Variants in CCDC12 observed in about 807,000 individuals in gnomAD.
The protein encoded by CCDC12 is coiled-coil domain-containing protein 12.
Under a neutral mutation model 25.7 loss-of-function variants are expected in CCDC12, and 28 were observed. That is an observed-to-expected ratio of 1.09 (90% CI 0.81 to 1.50). The LOEUF is 1.50. CCDC12 is among the 40% of genes most tolerant of loss of function. The pLI, the probability that CCDC12 is intolerant of heterozygous loss-of-function variation, is 0.00. For synonymous variants in CCDC12, 75 were observed against 87.7 expected (o/e 0.86, Z 0.81); for missense variants, 198 against 210.0 (o/e 0.94, Z 0.35).
At chr3:46,976,595 C>A (rs774376301) in intron 1 of CCDC12, 42 bp downstream of exon 1, 10 of 1,585,310 alleles carry the variant, frequency 6.3e-6, no homozygotes, top group South Asian at 1.1e-5. Flanking sequence ...GGACCCCGAA[C>A]GCTGGACGCC....
intron 1 of CCDC12, among the ~76,000 whole-genome samples, chr3:46,941,709 C>A (rs1167888607): frequency 1.3e-5 from 2 of 152,150 alleles, no homozygotes; most frequent in Non-Finnish European, 2.9e-5. Context: ...AGGGGCCATG[C>A]TGGCAGGCCA....
At chr3:46,942,798 C>T (rs766949196) in intron 1 of CCDC12, among the ~76,000 whole-genome samples, 81 of 152,234 alleles carry the variant, frequency 5.3e-4, no homozygotes, top group Non-Finnish European at 8.5e-4. Flanking sequence ...CAACATGGAA[C>T]GTGGTTCTTG....
At chr3:46,933,365 G>C (rs921350545) in intron 2 of CCDC12, among the ~76,000 whole-genome samples, 2 of 152,172 alleles carry the variant, frequency 1.3e-5, no homozygotes, top group African/African-American at 4.8e-5. Flanking sequence ...GAGCTGGCTG[G>C]GGATGAGATC....
intron 1 of CCDC12, among the ~76,000 whole-genome samples, chr3:46,952,655 ACTCTT>A (rs2034164042): frequency 6.6e-6 from 1 of 151,882 alleles, no homozygotes. Context: ...CCCAAATGTC[ACTCTT>A]CTCTGTTCTG....
intron 2 of CCDC12, among the ~76,000 whole-genome samples, chr3:46,933,812 G>A (rs1332376001): frequency 1.3e-5 from 2 of 152,120 alleles, no homozygotes; most frequent in Non-Finnish European, 2.9e-5. Flanking sequence ...GTCATGACAC[G>A]GCTCATGAAA....
At position 46,943,674 on chromosome 3, in the gene CCDC12, A is replaced by C. The variant is rs186019263; in HGVS notation, c.97-2609T>G. 1.3e-4 allele frequency among the ~76,000 whole-genome samples: 20 copies of C among 152,378 alleles called. 1 individual carries two copies. Among genetic ancestry groups the C allele is most frequent in the African/African-American group, 4.3e-4 (18 of 41,586 alleles). Reference sequence around the variant, plus strand: ...CCTCCTGGAGCCCCAGAGACATTCAAGTGCCTCAGCAAAGGCCAAGTTATT... The same window carrying C: ...CCTCCTGGAGCCCCAGAGACATTCACGTGCCTCAGCAAAGGCCAAGTTATT... On this transcript the variant is annotated intron_variant, in intron 1 of 6. Coordinates refer to ENST00000683445, the MANE Select transcript of CCDC12 (RefSeq NM_001277074.2).
chr3:46,922,274 A>C lies in CCDC12; in HGVS notation c.380T>G (p.Leu127Arg). Residue 127 changes from leucine (L) to arginine (R), a missense_variant, in exon 6 of 7, where the codon CTA (leucine) becomes CGA (arginine). Transcript: ENST00000683445. ...AATGGCCCTCTGAGTCCGCTTTTTT[A>C]GTTTCTCCAGCTTCTTGGCCACATC... ...KRDVAKKLEK[L>R]KKRTQRAIAE... The C allele has an allele frequency of 6.2e-7, 1 of 1,614,202 alleles. No individual in the cohort carries two copies.
intron 4 of CCDC12, 58 bp downstream of exon 4, chr3:46,923,549 C>T (rs760623269): frequency 5.8e-6 from 9 of 1,555,994 alleles, no homozygotes; most frequent in African/African-American, 1.4e-5. Flanking sequence ...GAGCAAGTGG[C>T]GAAGAGAAAC....
At chr3:46,966,052 G>A (rs1366786327) in intron 1 of CCDC12, 6 of 152,438 alleles carry the variant, frequency 3.9e-5, no homozygotes, top group Non-Finnish European at 7.3e-5. Flanking sequence ...CCAGAGAGCA[G>A]GGAATCATGA....
chr3:46,960,376 T>TTG (rs1261822061), intron 1 of CCDC12, among the ~76,000 whole-genome samples: 2 of 152,322 alleles, frequency 1.3e-5, no homozygotes, highest in East Asian at 3.9e-4. Context: ...GACAGGAAAG[T>TTG]CCTGCTTTAA....
At chr3:46,945,041 A>C (rs2033850857) in intron 1 of CCDC12, among the ~76,000 whole-genome samples, 1 of 152,198 alleles carries the variant, frequency 6.6e-6, no homozygotes, top group Non-Finnish European at 1.5e-5. Context: ...GCAGCCTTCT[A>C]AGATTCCCAG....
chr3:46,929,274 G>C (rs1464798912), intron 2 of CCDC12, among the ~76,000 whole-genome samples: 1 of 152,084 alleles, frequency 6.6e-6, no homozygotes, highest in South Asian at 2.1e-4. Flanking sequence ...GAAGAAAGTG[G>C]AATAATTAAA....
chr3:46,979,322 A>T (rs1461058871), upstream of CCDC12, among the ~76,000 whole-genome samples: 2 of 152,252 alleles, frequency 1.3e-5, no homozygotes, highest in Admixed American at 1.3e-4. Context: ...AAGCGCTACA[A>T]GGGGTCGTCA....
intron 2 of CCDC12, among the ~76,000 whole-genome samples, chr3:46,940,345 G>C (rs2033651847): frequency 6.6e-6 from 1 of 152,210 alleles, no homozygotes; most frequent in Non-Finnish European, 1.5e-5. Flanking sequence ...CCTCACGTGT[G>C]CTGTGTTTAG....
intron 1 of CCDC12, among the ~76,000 whole-genome samples, chr3:46,965,238 T>C (rs1466914865): frequency 3.3e-5 from 5 of 152,216 alleles, no homozygotes; most frequent in Non-Finnish European, 7.3e-5. Context: ...AATTTCAACA[T>C]TCCTTTGCTT....
At chr3:46,941,537 C>T (rs1377192397) in intron 1 of CCDC12, among the ~76,000 whole-genome samples, 3 of 150,090 alleles carry the variant, frequency 2.0e-5, no homozygotes, top group African/African-American at 7.4e-5. Flanking sequence ...TGCACTCCAG[C>T]CTGGGCGACA....
chr3:46,969,663 C>G (rs1243909285), intron 1 of CCDC12, among the ~76,000 whole-genome samples: 1 of 152,160 alleles, frequency 6.6e-6, no homozygotes, highest in Non-Finnish European at 1.5e-5. Flanking sequence ...TGAATATGGC[C>G]AACTTCCAAG....
At chr3:46,948,825 C>A (rs1035206290) in intron 1 of CCDC12, among the ~76,000 whole-genome samples, 4 of 152,200 alleles carry the variant, frequency 2.6e-5, no homozygotes, top group Non-Finnish European at 2.9e-5. Context: ...GGGAGCCAGC[C>A]CAAGTCAACT....
chr3:46,923,739 G>A (rs1035860417), intron 3 of CCDC12, 71 bp from the exon 4 acceptor site: 19 of 1,298,914 alleles, frequency 1.5e-5, no homozygotes, highest in African/African-American at 3.0e-5. Flanking sequence ...ACTGCCTACC[G>A]TGGCCCCCAG....
Sources: allele counts gnomAD v4.1 joint callset (sites outside exome capture counted in the v4.1 genomes callset), GRCh38; gene constraint gnomAD v4.1.1; transcripts MANE v1.5; gene names NCBI Gene and HGNC (gene_info 2026-07-23, HGNC 2026-07-21).